The following ESYT2 variants were observed in gnomAD, a reference collection of about 807,000 sequenced individuals.
The protein encoded by ESYT2 is extended synaptotagmin-2.
In ESYT2, 54 loss-of-function variants were observed where a neutral mutation model predicts 107.2. The ratio of observed to expected loss-of-function variants is 0.50; its 90% CI spans 0.40 to 0.63. The LOEUF (loss-of-function observed/expected upper bound fraction) is 0.63, where lower values mean the gene tolerates loss of function less well. Among genes scored for constraint, ESYT2 ranks in the 30% least tolerant of loss-of-function variants. The pLI, the probability that ESYT2 is intolerant of heterozygous loss-of-function variation, is 0.00. For synonymous variants in ESYT2, 491 were observed against 434.1 expected (o/e 1.13, Z -1.63); for missense variants, 1,020 against 1,094.5 (o/e 0.93, Z 0.96).
At chr7:158,772,669 T>G (rs930814838) in intron 7 of ESYT2, among the ~76,000 whole-genome samples, 13 of 152,180 alleles carry the variant, frequency 8.5e-5, no homozygotes, top group Non-Finnish European at 1.5e-4. Context: ...GCAACTAGAA[T>G]GACTCCTTGT....
intron 6 of ESYT2, among the ~76,000 whole-genome samples, chr7:158,782,542 A>T (rs13307684): frequency 1.3e-5 from 2 of 150,336 alleles, no homozygotes; most frequent in East Asian, 1.9e-4. Flanking sequence ...TAAGAAAATG[A>T]GTGTGAGAAG....
At chr7:158,762,338 T>C (rs1251526976) in intron 10 of ESYT2, among the ~76,000 whole-genome samples, 4 of 152,194 alleles carry the variant, frequency 2.6e-5, no homozygotes, top group African/African-American at 4.8e-5. Context: ...TTTCCTAGAA[T>C]GAGCACCTGA....
At chr7:158,755,616 T>G (rs1837727471) in intron 13 of ESYT2, among the ~76,000 whole-genome samples, 1 of 152,196 alleles carries the variant, frequency 6.6e-6, no homozygotes, top group African/African-American at 2.4e-5. Flanking sequence ...TAACAGGATA[T>G]GCTGCTGTTA....
rs1838208862 is a variant in ESYT2, at chr7:158,767,660, T to C, written c.918A>G (p.Val306=). 3.7e-6 allele frequency: 6 copies of C among 1,611,914 alleles called. No individual in the cohort carries two copies. Among genetic ancestry groups the C allele is most frequent in the Non-Finnish European group, 5.1e-6 (6 of 1,178,946 alleles). ...GATGCCGGGACACGCTTACCTTTGG[T>C]ACAGGAAACCGCAACTGAGCTATTT... ...EVQIAQLRFP[V]PKGVLRIHFI... is the part of the protein sequence containing the mutation. The change falls in exon 8 of 23, where the codon GTA becomes GTG. Residue 306 remains valine, a synonymous_variant. Transcript: ENST00000275418.
In ESYT2 at chr7:158,773,382, G is replaced by A; in HGVS notation, c.762C>T (p.Asn254=). ...FFLRKPLLEI[N]WTGLTNLLDV... is the part of the protein sequence containing the mutation. ...CCAGAAGATTCGTCAGTCCTGTCCA[G>A]TTAATTTCTAAAAGCTGTTTTAAAA... is the stretch of plus-strand genomic sequence containing the variant. The change falls in exon 7 of 23, where the codon AAC becomes AAT. Residue 254 remains asparagine (N), a synonymous_variant. Coordinates refer to ENST00000275418, the MANE Select transcript of ESYT2 (RefSeq NM_001367773.1). 1 of 1,614,012 alleles carries A rather than the reference G, an allele frequency of 6.2e-7. No homozygotes were observed. The highest frequency in any genetic ancestry group is 8.5e-7 in the Non-Finnish European group (1 of 1,179,980).
rs530661948 is a variant in ESYT2, at chr7:158,753,308, C to G, written c.1420-465G>C. Among the ~76,000 whole-genome samples the G allele has an allele frequency of 2.0e-5, 3 of 152,356 alleles. No individual in the cohort carries two copies. The South Asian group carries it at 6.2e-4, about 32-fold the overall frequency. On this transcript the variant is annotated intron_variant, in intron 13 of 22. Transcript: ENST00000275418. ...CCGCCGCTGAGACGCACCTTCCCAC[C>G]CAGCACCCAGCAGAGGAGCTGCTCC... is the stretch of plus-strand genomic sequence containing the variant.
intron 6 of ESYT2, among the ~76,000 whole-genome samples, chr7:158,780,952 AAG>A (rs1299954126): frequency 2.0e-5 from 3 of 150,764 alleles, no homozygotes; most frequent in African/African-American, 5.0e-5. Context: ...GTGTGAGACA[AAG>A]AGTGTGAGAG....
At chr7:158,788,194 T>G in intron 5 of ESYT2, 101 bp from the exon 6 acceptor site, 1 of 1,192,142 alleles carries the variant, frequency 8.4e-7, no homozygotes, top group East Asian at 2.4e-5. Context: ...TTTGAGCATG[T>G]GACTTCTTAT....
At chr7:158,793,387 A>T (rs1268000690) in intron 4 of ESYT2, among the ~76,000 whole-genome samples, 1 of 152,200 alleles carries the variant, frequency 6.6e-6, no homozygotes, top group Non-Finnish European at 1.5e-5. Context: ...ATCAATGTTC[A>T]TAAAGAATAT....
intron 6 of ESYT2, among the ~76,000 whole-genome samples, chr7:158,781,755 A>G: frequency 6.6e-6 from 1 of 151,628 alleles, no homozygotes. Flanking sequence ...ACAAAGTGTG[A>G]GAGATGTGAG....
intron 13 of ESYT2, among the ~76,000 whole-genome samples, chr7:158,757,587 C>T (rs368315317): frequency 2.0e-5 from 3 of 152,102 alleles, no homozygotes; most frequent in African/African-American, 4.8e-5. Flanking sequence ...CCAGAGCTCG[C>T]GGGACGCCCC....
At chr7:158,779,320 G>T (rs1443858561) in intron 6 of ESYT2, among the ~76,000 whole-genome samples, 3 of 152,166 alleles carry the variant, frequency 2.0e-5, no homozygotes, top group African/African-American at 7.2e-5. Context: ...GTAGTAGTGT[G>T]CTCCACTCTA....
In ESYT2 at chr7:158,761,549, A is replaced by G. The variant is rs1400515297; in HGVS notation, c.1185-5T>C. The G allele has an allele frequency of 1.2e-6, 2 of 1,612,554 alleles. No homozygotes were observed. Among genetic ancestry groups the G allele is most frequent in the Non-Finnish European group, 1.7e-6 (2 of 1,178,858 alleles). On this transcript the variant is annotated splice_polypyrimidine_tract_variant and splice_region_variant and intron_variant, in intron 10 of 22. Coordinates refer to ENST00000275418, the MANE Select transcript of ESYT2 (RefSeq NM_001367773.1). Reference sequence around the variant, plus strand: ...TCAATGAGGTCAATCATAAGACTATAAAAATAACAATACGACAACTTTAGA... The same window carrying G: ...TCAATGAGGTCAATCATAAGACTATGAAAATAACAATACGACAACTTTAGA...
intron 17 of ESYT2, among the ~76,000 whole-genome samples, chr7:158,743,132 C>T (rs1003102662): frequency 2.6e-5 from 4 of 152,240 alleles, no homozygotes; most frequent in Non-Finnish European, 5.9e-5. Context: ...TCTACTGTCT[C>T]GTGGAGTTTT....
intron 1 of ESYT2, among the ~76,000 whole-genome samples, chr7:158,824,640 A>G (rs1425807880): frequency 6.6e-6 from 1 of 152,196 alleles, no homozygotes; most frequent in Non-Finnish European, 1.5e-5. Context: ...ATTCTCAATA[A>G]TCCAAGTATG....
intron 13 of ESYT2, 25 bp downstream of exon 13, chr7:158,759,461 C>T: frequency 6.3e-7 from 1 of 1,576,402 alleles, no homozygotes. Context: ...TACGCACCCA[C>T]AGGTGTTACC....
intron 17 of ESYT2, 60 bp downstream of exon 17, chr7:158,743,469 A>ATCCT: frequency 6.4e-7 from 1 of 1,562,240 alleles, no homozygotes; most frequent in Non-Finnish European, 8.6e-7. Context: ...GCCCATGAGT[A>ATCCT]TCCCTGCCAG....
chr7:158,741,404 G>T, intron 18 of ESYT2, 119 bp downstream of exon 18: 1 of 1,407,168 alleles, frequency 7.1e-7, no homozygotes. Context: ...CCTAAGATTA[G>T]GCCTCCCTCC....
chr7:158,828,784 T>TA lies in ESYT2; in HGVS notation c.330+304dup, dbSNP rs1401845862. On this transcript the variant is annotated intron_variant, in intron 1 of 22. Coordinates refer to ENST00000275418, the MANE Select transcript of ESYT2 (RefSeq NM_001367773.1). ...GCGGGGCTGGGGTCTGCACTCGCCCTAGCGGGCAGGTCGCCAGCAGGCTGG... is the reference window on the plus strand; with the variant it reads ...GCGGGGCTGGGGTCTGCACTCGCCCTAAGCGGGCAGGTCGCCAGCAGGCTGG... Among the ~76,000 whole-genome samples, 10 of 134,066 alleles carry TA rather than the reference T, an allele frequency of 7.5e-5. No individual in the cohort carries two copies. The East Asian group carries it at 2.2e-3, about 29-fold the overall frequency. The allele number at this position is 134,066 out of a possible 152,430, so 88.0% of individuals were successfully genotyped here.
Sources: allele counts gnomAD v4.1 joint callset (sites outside exome capture counted in the v4.1 genomes callset), GRCh38; gene constraint gnomAD v4.1.1; transcripts MANE v1.5; gene names NCBI Gene and HGNC (gene_info 2026-07-23, HGNC 2026-07-21).